ANO10: variants seen among roughly 807,000 people sequenced by gnomAD.
ANO10 encodes anoctamin-10.
Under a neutral mutation model 74.7 loss-of-function variants are expected in ANO10, and 77 were observed. The ratio of observed to expected loss-of-function variants is 1.03; its 90% CI spans 0.86 to 1.25. The LOEUF (loss-of-function observed/expected upper bound fraction) is 1.25, where lower values mean the gene tolerates loss of function less well. Among genes scored for constraint, ANO10 ranks in the 50% most tolerant of loss-of-function variants. The pLI is 0.00. For synonymous variants in ANO10, 279 were observed against 284.9 expected (o/e 0.98, Z 0.21); for missense variants, 721 against 778.1 (o/e 0.93, Z 0.87).
intron 12 of ANO10, among the ~76,000 whole-genome samples, chr3:43,367,276 C>G (rs1484303113): frequency 1.3e-5 from 2 of 152,218 alleles, no homozygotes; most frequent in Non-Finnish European, 2.9e-5. Context: ...AATAGGCGGA[C>G]AGGGCCTGAG....
chr3:43,370,663 G>T (rs554081174), intron 12 of ANO10, among the ~76,000 whole-genome samples: 1 of 152,132 alleles, frequency 6.6e-6, no homozygotes, highest in Non-Finnish European at 1.5e-5. Flanking sequence ...TAGAGCTGAC[G>T]ACTTCTCCAA....
intron 11 of ANO10, among the ~76,000 whole-genome samples, chr3:43,527,785 C>T (rs1160748908): frequency 6.6e-6 from 1 of 152,064 alleles, no homozygotes; most frequent in Non-Finnish European, 1.5e-5. Flanking sequence ...AAAATCACCC[C>T]CAGAAAAAGA....
intron 12 of ANO10, among the ~76,000 whole-genome samples, chr3:43,381,171 C>CTGT (rs1264694455): frequency 6.6e-6 from 1 of 152,146 alleles, no homozygotes; most frequent in African/African-American, 2.4e-5. Flanking sequence ...ATTATGGAAA[C>CTGT]TACAATTCAA....
At chr3:43,566,254 G>C (rs1295521010) in intron 7 of ANO10, among the ~76,000 whole-genome samples, 2 of 152,208 alleles carry the variant, frequency 1.3e-5, no homozygotes, top group Admixed American at 1.3e-4. Context: ...CAGCGAGGCT[G>C]GGGGAGGGGC....
At chr3:43,430,207 A>C (rs1343785579) in intron 12 of ANO10, among the ~76,000 whole-genome samples, 1 of 151,818 alleles carries the variant, frequency 6.6e-6, no homozygotes, top group Non-Finnish European at 1.5e-5. Flanking sequence ...AAAGATATTG[A>C]CTTTGTTATA....
At chr3:43,597,833 A>T (rs1254743232) in intron 4 of ANO10, among the ~76,000 whole-genome samples, 2 of 152,030 alleles carry the variant, frequency 1.3e-5, no homozygotes, top group East Asian at 1.9e-4. Context: ...GCAGGAGATT[A>T]TTTGAGCCCA....
intron 12 of ANO10, among the ~76,000 whole-genome samples, chr3:43,383,501 T>G (rs868519066): frequency 1.3e-5 from 2 of 151,046 alleles, no homozygotes; most frequent in African/African-American, 2.4e-5. Context: ...TCAAGTGGGT[T>G]CCATACCAGG....
intron 11 of ANO10, among the ~76,000 whole-genome samples, chr3:43,452,774 G>A (rs981130315): frequency 1.6e-4 from 24 of 152,220 alleles, no homozygotes; most frequent in African/African-American, 5.3e-4. Context: ...CACAGTGGCT[G>A]TACCATTTCA....
chr3:43,542,082 C>G (rs966811090), intron 11 of ANO10, among the ~76,000 whole-genome samples: 1 of 152,124 alleles, frequency 6.6e-6, no homozygotes. Context: ...GGCTTTCCTT[C>G]TGTAAAAAAG....
At chr3:43,441,352 G>A (rs1457641856) in intron 11 of ANO10, among the ~76,000 whole-genome samples, 2 of 151,760 alleles carry the variant, frequency 1.3e-5, no homozygotes, top group Admixed American at 1.3e-4. Context: ...CATTACAATC[G>A]ATGCCACAGA....
intron 1 of ANO10, among the ~76,000 whole-genome samples, chr3:43,676,889 C>T (rs2084129631): frequency 1.3e-5 from 2 of 151,718 alleles, no homozygotes; most frequent in South Asian, 2.1e-4. Flanking sequence ...GATTCTAGTA[C>T]AGTCAAGGCA....
At chr3:43,386,861 G>A (rs989873511) in intron 12 of ANO10, among the ~76,000 whole-genome samples, 1 of 152,102 alleles carries the variant, frequency 6.6e-6, no homozygotes, top group Non-Finnish European at 1.5e-5. Flanking sequence ...GAGTAAGGGT[G>A]GGGCTTTCCT....
chr3:43,543,693 C>G (rs2079056722), intron 11 of ANO10, among the ~76,000 whole-genome samples: 1 of 152,214 alleles, frequency 6.6e-6, no homozygotes. Flanking sequence ...GGCCTCAATT[C>G]TGCTTCTAAG....
At position 43,600,468 on chromosome 3, in the gene ANO10, C is replaced by T. The variant is rs2082290082; in HGVS notation, c.253G>A (p.Ala85Thr). ...SKIRMLLGAE[A>T]VGLVKECNDN... Reference sequence around the variant, plus strand: ...TTGCACTCTTTTACCAATCCCACTGCTTCTGCCCCTAGTAACATTCTAATC... The same window carrying T: ...TTGCACTCTTTTACCAATCCCACTGTTTCTGCCCCTAGTAACATTCTAATC... Residue 85 changes from alanine to threonine, a missense_variant, in exon 3 of 13, where the codon GCA becomes ACA. Ala to Thr is a moderately conservative substitution (Grantham distance 58, BLOSUM62 0). Transcript: ENST00000292246. 6.2e-7 allele frequency: 1 copy of T among 1,614,156 alleles called. No individual in the cohort carries two copies. Among genetic ancestry groups the T allele is most frequent in the East Asian group, 2.2e-5 (1 of 44,868 alleles).
chr3:43,468,220 G>A (rs924922533), intron 11 of ANO10, among the ~76,000 whole-genome samples: 3 of 152,138 alleles, frequency 2.0e-5, no homozygotes, highest in African/African-American at 7.2e-5. Flanking sequence ...AATCCTTAAG[G>A]ATTTCACAAA....
At chr3:43,655,455 C>A (rs779794631) in intron 1 of ANO10, among the ~76,000 whole-genome samples, 2 of 152,132 alleles carry the variant, frequency 1.3e-5, no homozygotes, top group African/African-American at 2.4e-5. Context: ...TTGCAAAGAG[C>A]GAAAGAACAA....
chr3:43,552,065 C>T (rs1034977993), intron 10 of ANO10, among the ~76,000 whole-genome samples: 26 of 152,138 alleles, frequency 1.7e-4, no homozygotes, highest in African/African-American at 6.0e-4. Context: ...TTTGGTTTAT[C>T]TATAATGTTC....
chr3:43,629,222 G>T (rs576373468), intron 1 of ANO10, among the ~76,000 whole-genome samples: 1 of 152,154 alleles, frequency 6.6e-6, no homozygotes, highest in Non-Finnish European at 1.5e-5. Flanking sequence ...TATCGGGGCA[G>T]GTTCCCCGAT....
At chr3:43,565,475 T>C (rs1231038333) in intron 8 of ANO10, among the ~76,000 whole-genome samples, 178 bp downstream of exon 8, 2 of 152,284 alleles carry the variant, frequency 1.3e-5, no homozygotes, top group East Asian at 1.9e-4. Flanking sequence ...CTCATTTCAG[T>C]TGAGCATAAT....
Sources: gnomAD v4.1 joint callset for allele counts (sites outside exome capture counted in the v4.1 genomes callset) on GRCh38, gnomAD v4.1.1 for gene constraint, MANE v1.5 for transcripts, NCBI Gene and HGNC (gene_info 2026-07-23, HGNC 2026-07-21) for gene names.